Variants in HDAC4 observed in about 807,000 individuals in gnomAD.
HDAC4 encodes the protein histone deacetylase 4, also known as histone deacetylase A.
In HDAC4, 16 loss-of-function variants were observed where a neutral mutation model predicts 135.1. The ratio of observed to expected loss-of-function variants is 0.12; its 90% confidence interval spans 0.08 to 0.18. HDAC4 has a LOEUF of 0.18. HDAC4 is among the 10% of genes least tolerant of loss of function. The pLI is 1.00. For synonymous variants in HDAC4, 685 were observed against 653.4 expected (o/e 1.05, Z -0.74); for missense variants, 1,143 against 1,511.8 (o/e 0.76, Z 4.05).
intron 19 of HDAC4, 80 bp from the exon 20 acceptor site, chr2:239,084,322 C>G: frequency 1.0e-6 from 1 of 954,248 alleles, no homozygotes; most frequent in Non-Finnish European, 1.7e-6. Context: ...GAGAGCCACT[C>G]GGGGTCCACG....
chr2:239,383,185 G>A (rs1695539790), intron 1 of HDAC4, among the ~76,000 whole-genome samples: 1 of 152,216 alleles, frequency 6.6e-6, no homozygotes, highest in African/African-American at 2.4e-5. Flanking sequence ...AGGAAGATGT[G>A]CTTGTTTCCC....
At chr2:239,134,063 G>A (rs1324669155) in intron 11 of HDAC4, among the ~76,000 whole-genome samples, 182 bp downstream of exon 11, 1 of 152,178 alleles carries the variant, frequency 6.6e-6, no homozygotes, top group Non-Finnish European at 1.5e-5. Context: ...CTCTGGGAGT[G>A]AGGCATGGAT....
At chr2:239,317,489 G>A (rs893203424) in intron 2 of HDAC4, among the ~76,000 whole-genome samples, 2 of 152,078 alleles carry the variant, frequency 1.3e-5, no homozygotes, top group South Asian at 2.1e-4. Flanking sequence ...GTGTATCCAA[G>A]AGAGTAAAGA....
rs35449811 is a variant in HDAC4 at position 239,298,863 on chromosome 2, ATT to A, written c.22+53813_22+53814del. Among the ~76,000 whole-genome samples, 379 of 82,936 alleles carry A rather than the reference ATT, an allele frequency of 4.6e-3. 2 individuals carry two copies. Among genetic ancestry groups the A allele is most frequent in the African/African-American group, 0.018 (344 of 19,522 alleles). The allele number at this position is 82,936 out of a possible 152,430, so 54.4% of individuals were successfully genotyped here. On this transcript the variant is annotated intron_variant, in intron 2 of 26. Transcript: ENST00000543185. ...AAGCAACCCTTCATGGCCATAGCCTATTTTTTTTTTTTTTTTTTTTTTTTTGA... is the reference window on the plus strand; with the variant it reads ...AAGCAACCCTTCATGGCCATAGCCTATTTTTTTTTTTTTTTTTTTTTTTGA...
At chr2:239,381,495 T>C (rs1695410209) in intron 1 of HDAC4, among the ~76,000 whole-genome samples, 1 of 152,182 alleles carries the variant, frequency 6.6e-6, no homozygotes, top group Admixed American at 6.5e-5. Context: ...AAATGAAAGC[T>C]GGTTTCATTT....
At chr2:239,106,676 G>C (rs949519095) in intron 15 of HDAC4, among the ~76,000 whole-genome samples, 15 of 150,276 alleles carry the variant, frequency 1.0e-4, no homozygotes, top group Admixed American at 1.3e-4. Flanking sequence ...AATAAAACTG[G>C]TAAAGGAAAC....
Position 239,050,626 on chromosome 2 carries a change from T to C in HDAC4, c.*2471A>G, listed in dbSNP as rs775764131. ...GTGAATCCAAGAATCTGCACTCATT[T>C]GGTCAAAAGTTTGAGTTAATTTCAG... is the stretch of plus-strand genomic sequence containing the variant. On this transcript the variant is annotated 3_prime_UTR_variant, in exon 27 of 27. Coordinates refer to ENST00000543185, the MANE Select transcript of HDAC4 (RefSeq NM_001378414.1). 9.2e-5 allele frequency: 14 copies of C among 152,678 alleles called. No individual in the cohort carries two copies. The highest frequency in any genetic ancestry group is 1.8e-4 in the Non-Finnish European group (12 of 68,044). The allele number at this position is 152,678 out of a possible 1,614,324, so 9.5% of individuals were successfully genotyped here.
chr2:239,388,347 A>G (rs895859603), intron 1 of HDAC4, among the ~76,000 whole-genome samples: 1 of 152,188 alleles, frequency 6.6e-6, no homozygotes, highest in Non-Finnish European at 1.5e-5. Flanking sequence ...CCCAAAGCAC[A>G]TTCCTTCTAA....
intron 9 of HDAC4, among the ~76,000 whole-genome samples, chr2:239,135,323 T>C (rs115627783): frequency 1.3e-5 from 2 of 152,038 alleles, no homozygotes; most frequent in African/African-American, 4.8e-5. Flanking sequence ...ATACTGGCCA[T>C]GTATGAGGCA....
intron 20 of HDAC4, among the ~76,000 whole-genome samples, chr2:239,082,902 G>A (rs1233837642): frequency 6.6e-6 from 1 of 152,246 alleles, no homozygotes; most frequent in Non-Finnish European, 1.5e-5. Flanking sequence ...ATGGGCGGGC[G>A]AGGGGGTGGC....
chr2:239,159,752 G>C (rs1405137044), intron 6 of HDAC4, among the ~76,000 whole-genome samples: 1 of 152,220 alleles, frequency 6.6e-6, no homozygotes, highest in Non-Finnish European at 1.5e-5. Flanking sequence ...CCTGAGGGCA[G>C]AACCTACAGA....
intron 2 of HDAC4, among the ~76,000 whole-genome samples, chr2:239,296,787 C>T (rs976795103): frequency 2.6e-5 from 4 of 152,114 alleles, no homozygotes; most frequent in East Asian, 3.9e-4. Context: ...CTTTCACCTC[C>T]GCCCGGGAGA....
chr2:239,347,842 T>C (rs2125902844), intron 2 of HDAC4, among the ~76,000 whole-genome samples: 1 of 152,302 alleles, frequency 6.6e-6, no homozygotes. Flanking sequence ...CTAAACATTA[T>C]CCGTACCTCG....
At chr2:239,360,838 T>C (rs188053805) in intron 1 of HDAC4, among the ~76,000 whole-genome samples, 2 of 152,252 alleles carry the variant, frequency 1.3e-5, no homozygotes, top group Non-Finnish European at 2.9e-5. Context: ...TTTCTCCCCA[T>C]AGAAGTACTG....
At chr2:239,215,753 G>A (rs2046597522) in intron 3 of HDAC4, among the ~76,000 whole-genome samples, 1 of 152,200 alleles carries the variant, frequency 6.6e-6, no homozygotes, top group Admixed American at 6.5e-5. Flanking sequence ...TGGCAAAGCT[G>A]TCTGCACCAG....
chr2:239,306,082 C>T lies in HDAC4; in HGVS notation c.22+46596G>A, dbSNP rs371632116. Among the ~76,000 whole-genome samples the T allele has an allele frequency of 2.0e-5, 3 of 152,214 alleles. No homozygotes were observed. The highest frequency in any genetic ancestry group is 7.2e-5 in the African/African-American group (3 of 41,444). ...GAGAAACACTCTGCTTAAGTAACTACTTCATCACTCAAGGTCCCAAAGAAT... is the reference window on the plus strand; with the variant it reads ...GAGAAACACTCTGCTTAAGTAACTATTTCATCACTCAAGGTCCCAAAGAAT... On this transcript the variant is annotated intron_variant, in intron 2 of 26. Transcript: ENST00000543185. This position sits in a 1 kb window ranked among gnomAD's most constrained non-coding sequence, Gnocchi z 4.5.
At chr2:239,181,669 C>CCCAGG (rs1426829509) in intron 4 of HDAC4, among the ~76,000 whole-genome samples, 4 of 152,212 alleles carry the variant, frequency 2.6e-5, no homozygotes, top group African/African-American at 9.6e-5. Flanking sequence ...GAGGGCAGTG[C>CCCAGG]CCAGGCCAGG....
At chr2:239,190,971 GCACT>G (rs1170109205) in intron 3 of HDAC4, 1 of 465,908 alleles carries the variant, frequency 2.1e-6, no homozygotes, top group South Asian at 1.5e-5. Flanking sequence ...GTGTGTGCAG[GCACT>G]CACTCTGAGC....
chr2:239,319,953 T>C (rs2125755637), intron 2 of HDAC4, among the ~76,000 whole-genome samples: 1 of 152,358 alleles, frequency 6.6e-6, no homozygotes, highest in East Asian at 1.9e-4. Flanking sequence ...TAGTGGTCTC[T>C]GTCTCACAGA....
Sources: allele counts gnomAD v4.1 joint callset (sites outside exome capture counted in the v4.1 genomes callset), GRCh38; gene constraint gnomAD v4.1.1; non-coding constraint Gnocchi (gnomAD v3.1); transcripts MANE v1.5; gene names NCBI Gene and HGNC (gene_info 2026-07-23, HGNC 2026-07-21).